The following THSD7B variants were observed in gnomAD, a reference collection of about 807,000 sequenced individuals.
The protein encoded by THSD7B is thrombospondin type-1 domain-containing protein 7B.
Under a neutral mutation model 213.6 loss-of-function variants are expected in THSD7B, and 138 were observed. The ratio of observed to expected loss-of-function variants is 0.65; its 90% CI spans 0.56 to 0.74. The LOEUF (loss-of-function observed/expected upper bound fraction) is 0.74, where lower values mean the gene tolerates loss of function less well. Ranked by LOEUF, THSD7B falls within the 30% of genes least tolerant of loss-of-function variation. The pLI is 0.00. For synonymous variants in THSD7B, 742 were observed against 687.0 expected, an observed-to-expected ratio of 1.08 and a Z score of -1.25; for missense variants, 1,931 against 1,991.5, an observed-to-expected ratio of 0.97 and a Z score of 0.58.
intron 2 of THSD7B, among the ~76,000 whole-genome samples, chr2:136,960,077 T>G (rs1462009002): frequency 1.3e-5 from 2 of 152,216 alleles, no homozygotes; most frequent in African/African-American, 2.4e-5. Context: ...TCAGGAACTT[T>G]CTTGTAATGG....
chr2:137,261,889 TG>T (rs1287304916), intron 10 of THSD7B, among the ~76,000 whole-genome samples: 1 of 138,154 alleles, frequency 7.2e-6, no homozygotes, highest in East Asian at 2.1e-4. Flanking sequence ...AGACCCATCA[TG>T]GAAAGGACAT....
chr2:136,862,814 T>C (rs138510801), intron 1 of THSD7B, among the ~76,000 whole-genome samples: 132 of 152,344 alleles, frequency 8.7e-4, no homozygotes, highest in African/African-American at 2.9e-3. Context: ...CCCTTAGCCT[T>C]CTCCTCTTTC....
intron 1 of THSD7B, among the ~76,000 whole-genome samples, chr2:136,769,423 G>A (rs1376793261): frequency 6.6e-6 from 1 of 152,116 alleles, no homozygotes; most frequent in Non-Finnish European, 1.5e-5. Flanking sequence ...TCAGATATTA[G>A]TGAAACCCAA....
chr2:136,805,398 A>G (rs1387040593), intron 1 of THSD7B, among the ~76,000 whole-genome samples: 3 of 152,186 alleles, frequency 2.0e-5, no homozygotes, highest in Non-Finnish European at 4.4e-5. Flanking sequence ...ATCCCCACCA[A>G]TAGGAGGGGA....
intron 2 of THSD7B, among the ~76,000 whole-genome samples, chr2:137,026,102 A>G (rs765015847): frequency 6.6e-6 from 1 of 152,052 alleles, no homozygotes; most frequent in African/African-American, 2.4e-5. Flanking sequence ...TCCTCCTTCT[A>G]GCGCTAATAT....
chr2:137,159,486 A>G lies in THSD7B; in HGVS notation c.1370-727A>G, dbSNP rs570734804. On this transcript the variant is annotated intron_variant, in intron 5 of 27. Transcript: ENST00000409968. ...AAAAGAGCAAAAAATAAAAAGAAAA[A>G]AAAAGCATCTGCATACAGAGGACAC... 5.6e-5 allele frequency among the ~76,000 whole-genome samples: 8 copies of G among 143,810 alleles called. No individual in the cohort carries two copies. In the East Asian group the frequency reaches 1.5e-3, roughly 28 times the overall value. 94.3% of individuals were successfully genotyped at this position (143,810 alleles called of 152,430 possible).
chr2:136,996,842 A>G (rs1685901080), intron 2 of THSD7B, among the ~76,000 whole-genome samples: 1 of 152,218 alleles, frequency 6.6e-6, no homozygotes, highest in South Asian at 2.1e-4. Context: ...TAATTTTACT[A>G]ATGAAATATT....
chr2:137,450,428 T>A (rs768618593), intron 14 of THSD7B, among the ~76,000 whole-genome samples: 1 of 152,206 alleles, frequency 6.6e-6, no homozygotes, highest in Non-Finnish European at 1.5e-5. Flanking sequence ...AGAATAAACA[T>A]CTTTTTAAGT....
intron 3 of THSD7B, among the ~76,000 whole-genome samples, chr2:137,071,205 C>G (rs1190884788): frequency 6.6e-6 from 1 of 152,132 alleles, no homozygotes; most frequent in African/African-American, 2.4e-5. Context: ...CCTGTTTCTC[C>G]ACATCCTCTC....
intron 7 of THSD7B, among the ~76,000 whole-genome samples, chr2:137,200,349 A>G (rs1311771702): frequency 1.3e-5 from 2 of 152,108 alleles, no homozygotes; most frequent in African/African-American, 4.8e-5. Flanking sequence ...GTGGCATTAT[A>G]TACATACAAT....
At chr2:136,971,355 T>C (rs966399910) in intron 2 of THSD7B, among the ~76,000 whole-genome samples, 2 of 152,136 alleles carry the variant, frequency 1.3e-5, no homozygotes, top group African/African-American at 4.8e-5. Context: ...CACATACTTT[T>C]ACTCTCAGAA....
intron 1 of THSD7B, among the ~76,000 whole-genome samples, chr2:136,849,915 A>G (rs905024581): frequency 4.6e-5 from 7 of 152,104 alleles, no homozygotes; most frequent in Non-Finnish European, 1.0e-4. Flanking sequence ...TTAATATCCT[A>G]CCATTACTTT....
chr2:137,141,594 A>G (rs934883428), intron 5 of THSD7B, among the ~76,000 whole-genome samples: 1 of 151,886 alleles, frequency 6.6e-6, no homozygotes, highest in African/African-American at 2.4e-5. Context: ...CCTGGTTTTG[A>G]TATTGTATTC....
chr2:137,136,120 G>T (rs1447860725), intron 5 of THSD7B, among the ~76,000 whole-genome samples: 2 of 152,078 alleles, frequency 1.3e-5, no homozygotes, highest in South Asian at 4.2e-4. Context: ...CATGGACACA[G>T]GGGAACATCA....
At chr2:137,116,167 G>C (rs1244720556) in intron 5 of THSD7B, among the ~76,000 whole-genome samples, 2 of 152,146 alleles carry the variant, frequency 1.3e-5, no homozygotes, top group Non-Finnish European at 2.9e-5. Context: ...ACATAGCTTT[G>C]CAGAGTTCAT....
chr2:137,624,519 C>T (rs1682585266), intron 20 of THSD7B, among the ~76,000 whole-genome samples: 1 of 152,094 alleles, frequency 6.6e-6, no homozygotes, highest in Admixed American at 6.5e-5. Context: ...AAGAAACTAC[C>T]ATCAGAGTGA....
At chr2:137,178,745 G>T (rs756416991) in intron 7 of THSD7B, among the ~76,000 whole-genome samples, 4 of 152,128 alleles carry the variant, frequency 2.6e-5, no homozygotes, top group Non-Finnish European at 5.9e-5. Flanking sequence ...TGCAATGCAG[G>T]TTTAAATATA....
chr2:137,067,864 C>A (rs1687410184), intron 3 of THSD7B, among the ~76,000 whole-genome samples: 2 of 152,084 alleles, frequency 1.3e-5, no homozygotes, highest in Middle Eastern at 3.4e-3. Flanking sequence ...AAAATTTTTT[C>A]TTATCTTCAC....
intron 2 of THSD7B, among the ~76,000 whole-genome samples, chr2:136,897,317 T>A (rs903693885): frequency 9.2e-5 from 14 of 152,170 alleles, no homozygotes; most frequent in Admixed American, 5.9e-4. Context: ...GTTTGTTCCT[T>A]CAGATGTTCA....
Sources: allele counts gnomAD v4.1 joint callset (sites outside exome capture counted in the v4.1 genomes callset), GRCh38; gene constraint gnomAD v4.1.1; transcripts MANE v1.5; gene names NCBI Gene and HGNC (gene_info 2026-07-23, HGNC 2026-07-21).